CNTNAP2: variants seen among roughly 807,000 people sequenced by gnomAD.
CNTNAP2 encodes contactin-associated protein-like 2.
In CNTNAP2, 98 loss-of-function variants were observed where a neutral mutation model predicts 155.2. The ratio of observed to expected loss-of-function variants is 0.63; its 90% CI spans 0.54 to 0.75. The LOEUF (loss-of-function observed/expected upper bound fraction) is 0.75, where lower values mean the gene tolerates loss of function less well. Among genes scored for constraint, CNTNAP2 ranks in the 30% least tolerant of loss-of-function variants. The pLI is 0.00. For missense variants in CNTNAP2, 1,727 were observed against 1,688.1 expected (o/e 1.02, Z -0.40); for synonymous variants, 651 against 631.2 (o/e 1.03, Z -0.47).
chr7:148,026,487 A>G (rs182403755), intron 15 of CNTNAP2, among the ~76,000 whole-genome samples: 113 of 152,220 alleles, frequency 7.4e-4, no homozygotes, highest in African/African-American at 2.5e-3. Context: ...TCACTATAGA[A>G]AAGCCATTTA....
At position 147,271,915 on chromosome 7, in the gene CNTNAP2, G is replaced by A. The variant is rs184853986; in HGVS notation, c.1349-28226G>A. ...TTATCATTATTACTACTTTTGAGAT[G>A]GAGTTTCACTCTTGTTGCCCAGGCT... On this transcript the variant is annotated intron_variant, in intron 8 of 23. Transcript: ENST00000361727. 2.8e-3 allele frequency among the ~76,000 whole-genome samples: 428 copies of A among 152,204 alleles called. 3 individuals are homozygous for A. The highest frequency in any genetic ancestry group is 5.0e-3 in the Non-Finnish European group (339 of 68,010).
intron 10 of CNTNAP2, among the ~76,000 whole-genome samples, chr7:147,457,006 T>A (rs575888309): frequency 5.3e-5 from 8 of 152,314 alleles, no homozygotes; most frequent in African/African-American, 1.9e-4. Flanking sequence ...CATCTCTTGA[T>A]GAAAATCATT....
intron 21 of CNTNAP2, among the ~76,000 whole-genome samples, chr7:148,355,599 A>G (rs79124481): frequency 0.036 from 5,539 of 152,248 alleles, 105 homozygotes; most frequent in African/African-American, 0.049. Flanking sequence ...CCTAAAATGT[A>G]TAATATGACC....
chr7:147,919,895 G>T (rs1800238852), intron 14 of CNTNAP2, among the ~76,000 whole-genome samples: 1 of 151,744 alleles, frequency 6.6e-6, no homozygotes, highest in Non-Finnish European at 1.5e-5. Context: ...CCACATTTCT[G>T]TTGTTTTAAG....
intron 15 of CNTNAP2, among the ~76,000 whole-genome samples, chr7:148,080,482 G>A (rs563246461): frequency 6.6e-6 from 1 of 151,612 alleles, no homozygotes; most frequent in Non-Finnish European, 1.5e-5. Flanking sequence ...GGCGGCGCCT[G>A]TAGTCCCAGC....
intron 13 of CNTNAP2, among the ~76,000 whole-genome samples, chr7:147,736,984 A>G (rs1362839145): frequency 6.6e-6 from 1 of 152,120 alleles, no homozygotes; most frequent in East Asian, 1.9e-4. Context: ...CCTTTAGCTC[A>G]GACAAGTTTG....
chr7:147,261,194 A>G (rs1804456680), intron 8 of CNTNAP2, among the ~76,000 whole-genome samples: 1 of 152,224 alleles, frequency 6.6e-6, no homozygotes, highest in Non-Finnish European at 1.5e-5. Flanking sequence ...TTGGTCACCC[A>G]TTAAATCACA....
chr7:146,165,749 A>ATCTATCT (rs1270588230), intron 1 of CNTNAP2, among the ~76,000 whole-genome samples: 5 of 152,240 alleles, frequency 3.3e-5, no homozygotes, highest in African/African-American at 1.2e-4. Context: ...TGAGATAGAT[A>ATCTATCT]CAGCATAAAA....
At chr7:147,979,295 GT>G in intron 15 of CNTNAP2, among the ~76,000 whole-genome samples, 1 of 64,698 alleles carries the variant, frequency 1.5e-5, no homozygotes, top group Admixed American at 2.0e-4. Context: ...TAGTAAAACT[GT>G]GCAGAAGAAA....
At chr7:146,992,291 C>T (rs1011917104) in intron 3 of CNTNAP2, among the ~76,000 whole-genome samples, 19 of 151,982 alleles carry the variant, frequency 1.3e-4, no homozygotes, top group African/African-American at 2.4e-5. Context: ...GAAAGATGAT[C>T]GTTTTATGCT....
chr7:147,577,233 C>A (rs1334313907), intron 12 of CNTNAP2, among the ~76,000 whole-genome samples: 2 of 152,086 alleles, frequency 1.3e-5, no homozygotes, highest in Non-Finnish European at 2.9e-5. Flanking sequence ...TACTTACTAA[C>A]TACAATCCCA....
intron 23 of CNTNAP2, among the ~76,000 whole-genome samples, chr7:148,412,042 A>T (rs550100286): frequency 6.6e-6 from 1 of 152,272 alleles, no homozygotes; most frequent in African/African-American, 2.4e-5. Context: ...TCCCTGGCTC[A>T]AGCGATTCTC....
intron 1 of CNTNAP2, among the ~76,000 whole-genome samples, chr7:146,186,970 C>G (rs1798633042): frequency 6.6e-6 from 1 of 152,206 alleles, no homozygotes; most frequent in Non-Finnish European, 1.5e-5. Context: ...TATCCCGTTT[C>G]TATCCTCTTT....
At chr7:146,607,675 A>G (rs1799070618) in intron 1 of CNTNAP2, among the ~76,000 whole-genome samples, 1 of 151,596 alleles carries the variant, frequency 6.6e-6, no homozygotes, top group African/African-American at 2.4e-5. Flanking sequence ...TGGGGGTCTC[A>G]CTATGTTACC....
At chr7:146,721,116 CTCTA>C (rs1801292716) in intron 1 of CNTNAP2, among the ~76,000 whole-genome samples, 1 of 126,604 alleles carries the variant, frequency 7.9e-6, no homozygotes, top group Admixed American at 8.2e-5. Context: ...TATATATTCT[CTCTA>C]TATATCCTAT....
chr7:146,780,515 A>G (rs1196315343), intron 2 of CNTNAP2, among the ~76,000 whole-genome samples: 1 of 152,050 alleles, frequency 6.6e-6, no homozygotes, highest in African/African-American at 2.4e-5. Flanking sequence ...AATGATCACC[A>G]TTCTAACTGG....
chr7:148,331,348 A>G (rs1478458749), intron 21 of CNTNAP2, among the ~76,000 whole-genome samples: 10 of 120,896 alleles, frequency 8.3e-5, no homozygotes, highest in Non-Finnish European at 1.0e-4. Context: ...GGACGGATGG[A>G]ATGGATGGAT....
chr7:148,267,282 C>G (rs1034137028), intron 21 of CNTNAP2, among the ~76,000 whole-genome samples, 156 bp downstream of exon 21: 1 of 151,800 alleles, frequency 6.6e-6, no homozygotes, highest in African/African-American at 2.4e-5. Flanking sequence ...CTCGGTGTTG[C>G]ACAAGCAAAG....
chr7:148,415,156 T>A (rs2116729336), intron 23 of CNTNAP2, among the ~76,000 whole-genome samples: 1 of 152,378 alleles, frequency 6.6e-6, no homozygotes, highest in Middle Eastern at 3.4e-3. Context: ...TGTTTTCTAA[T>A]GTCTGTAGAC....
Sources: gnomAD v4.1 joint callset for allele counts (sites outside exome capture counted in the v4.1 genomes callset) on GRCh38, gnomAD v4.1.1 for gene constraint, MANE v1.5 for transcripts, NCBI Gene and HGNC (gene_info 2026-07-23, HGNC 2026-07-21) for gene names.